The following NOCT variants were observed in gnomAD, a reference collection of about 807,000 sequenced individuals.
NOCT encodes CCR4 carbon catabolite repression 4-like.
Under a neutral mutation model 35.0 loss-of-function variants are expected in NOCT, and 18 were observed. That is an observed-to-expected ratio of 0.51 (90% CI 0.36 to 0.76). The LOEUF (loss-of-function observed/expected upper bound fraction) is 0.76, where lower values mean the gene tolerates loss of function less well. NOCT is among the 30% of genes least tolerant of loss of function. The probability of loss-of-function intolerance (pLI) is 0.01; values close to 1 mark genes in which losing one functional copy is unlikely to be tolerated. For synonymous variants in NOCT, 235 were observed against 226.3 expected (o/e 1.04, Z -0.34); for missense variants, 479 against 541.0 (o/e 0.89, Z 1.14).
chr4:139,042,951 C>A, intron 1 of NOCT, 123 bp from the exon 2 acceptor site: 6 of 762,674 alleles, frequency 7.9e-6, no homozygotes, highest in Non-Finnish European at 1.0e-5. Context: ...TGGCTTTATA[C>A]ACTATTATGG....
At position 139,016,000 on chromosome 4, in the gene NOCT, C is replaced by G; in HGVS notation, c.19C>G (p.Arg7Gly). ...GCCCGGCATGTTTCATAGTCCGCGG[C>G]GGCTCTGCTCGGCCCTGCTGCAGAG... MFHSPR[R>G]LCSALLQRDA... Residue 7 changes from arginine to glycine, a missense_variant, in exon 1 of 3, where the codon CGG becomes GGG. This residue lies in a region of NOCT where 265 missense variants were observed against 257.0 expected (regional missense o/e 1.03). Coordinates refer to ENST00000280614, the MANE Select transcript of NOCT (RefSeq NM_012118.4). The G allele has an allele frequency of 7.2e-7, 1 of 1,385,540 alleles. No homozygotes were observed. Among genetic ancestry groups the G allele is most frequent in the Non-Finnish European group, 9.3e-7 (1 of 1,071,516 alleles). The allele number at this position is 1,385,540 out of a possible 1,614,324, so 85.8% of individuals were successfully genotyped here.
At position 139,029,767 on chromosome 4, in the gene NOCT, A is replaced by G. The variant is rs79941542; in HGVS notation, c.191-13307A>G. ...AATTCATGTCATATAAGCCCACATC[A>G]TGCAAAATTTGAAGGTGGCTGCATT... is the stretch of plus-strand genomic sequence containing the variant. On this transcript the variant is annotated intron_variant, in intron 1 of 2. Coordinates refer to ENST00000280614, the MANE Select transcript of NOCT (RefSeq NM_012118.4). Among the ~76,000 whole-genome samples, 634 of 152,312 alleles carry G rather than the reference A, an allele frequency of 4.2e-3. 6 individuals carry two copies. The highest frequency in any genetic ancestry group is 6.9e-3 in the Non-Finnish European group (472 of 68,026).
Position 139,045,430 on chromosome 4 carries a change from G to C in NOCT, c.1252G>C (p.Val418Leu). The C allele has an allele frequency of 6.2e-7, 1 of 1,609,914 alleles. No homozygotes were observed. Among genetic ancestry groups the C allele is most frequent in the Non-Finnish European group, 8.5e-7 (1 of 1,177,510 alleles). ...TTATCCTTCAGACCACCTGTCTCTA[G>C]TGTGTGACTTCAGCTTTACTGAGGA... Reference protein sequence around the residue: ...FNYPSDHLSLVCDFSFTEESD... With the variant: ...FNYPSDHLSLLCDFSFTEESD... Residue 418 changes from valine (V) to leucine (L), a missense_variant, in exon 3 of 3, where the codon GTG (valine) becomes CTG (leucine). Val to Leu is a conservative substitution (Grantham distance 32). Coordinates refer to ENST00000280614, the MANE Select transcript of NOCT (RefSeq NM_012118.4).
Position 139,043,152 on chromosome 4 carries a change from A to C in NOCT, c.269A>C (p.His90Pro). The change falls in exon 2 of 3, where the codon CAC becomes CCC. Residue 90 changes from histidine (H) to proline (P), a missense_variant. By Grantham distance (77) the His-to-Pro change is moderately conservative. Around this residue, in one of 2 missense-constraint regions of NOCT, gnomAD observed 265 missense variants for 257.0 expected, o/e 1.03. Transcript: ENST00000280614. The part of the protein sequence containing the change: ...KTLNSSAASQ[H>P]PEYLVSPDPE... ...CTGAACAGCAGCGCTGCCTCCCAGC[A>C]CCCAGAGTATTTGGTGTCACCTGAC... 1 of 1,614,080 alleles carries C rather than the reference A, an allele frequency of 6.2e-7. No homozygotes were observed. The highest frequency in any genetic ancestry group is 8.5e-7 in the Non-Finnish European group (1 of 1,179,990).
At chr4:139,016,237 C>A in intron 1 of NOCT, 66 bp downstream of exon 1, 1 of 1,090,844 alleles carries the variant, frequency 9.2e-7, no homozygotes, top group Non-Finnish European at 1.2e-6. Context: ...CACCTGGAGA[C>A]CGCGCGGAAT....
intron 1 of NOCT, among the ~76,000 whole-genome samples, chr4:139,027,492 A>C (rs1468648314): frequency 6.6e-6 from 1 of 151,044 alleles, no homozygotes; most frequent in Non-Finnish European, 1.5e-5. Flanking sequence ...ACAATATGTA[A>C]ACTTTATTTA....
rs947464721 is a variant in NOCT, at chr4:139,045,558, C to G, written c.*84C>G. ...TTGAGACAGAGTCTCGCTCTGTTGCCTAGGCTGGAGTACAGTGGCCTGATC... is the reference window on the plus strand; with the variant it reads ...TTGAGACAGAGTCTCGCTCTGTTGCGTAGGCTGGAGTACAGTGGCCTGATC... On this transcript the variant is annotated 3_prime_UTR_variant, in exon 3 of 3. Coordinates refer to ENST00000280614, the MANE Select transcript of NOCT (RefSeq NM_012118.4). The G allele has an allele frequency of 2.8e-5, 21 of 746,822 alleles. No individual in the cohort carries two copies. Among genetic ancestry groups the G allele is most frequent in the Non-Finnish European group, 4.0e-5 (20 of 502,356 alleles). The allele number at this position is 746,822 out of a possible 1,614,324, so 46.3% of individuals were successfully genotyped here. A position where few individuals can be genotyped will look rare whatever the true frequency, so the allele number is the denominator to read the frequency against.
chr4:139,016,948 C>T (rs1467568876), intron 1 of NOCT, among the ~76,000 whole-genome samples: 5 of 135,646 alleles, frequency 3.7e-5, no homozygotes, highest in Admixed American at 7.5e-5. Flanking sequence ...CCACCGCGCT[C>T]GGCCATTTTA....
At chr4:139,025,827 A>G (rs991301777) in intron 1 of NOCT, among the ~76,000 whole-genome samples, 1 of 151,940 alleles carries the variant, frequency 6.6e-6, no homozygotes, top group African/African-American at 2.4e-5. Flanking sequence ...AAATTTAAAT[A>G]TAGGCACTTT....
At chr4:139,017,794 C>T (rs1164406751) in intron 1 of NOCT, among the ~76,000 whole-genome samples, 1 of 151,816 alleles carries the variant, frequency 6.6e-6, no homozygotes, top group Non-Finnish European at 1.5e-5. Flanking sequence ...AAAACTCCGT[C>T]TCAAAACAAA....
chr4:139,043,316 G>A lies in NOCT; in HGVS notation c.433G>A (p.Val145Ile), dbSNP rs1271420821. Reference sequence around the variant, plus strand: ...CCCTAGTACCCACCCACCTATCAGGGTTATGCAATGGAACATCCTCGCCCA... The same window carrying A: ...CCCTAGTACCCACCCACCTATCAGGATTATGCAATGGAACATCCTCGCCCA... ...DCPSTHPPIRVMQWNILAQAL... is the reference protein window; with the variant it reads ...DCPSTHPPIRIMQWNILAQAL... Residue 145 changes from valine (V) to isoleucine (I), a missense_variant, in exon 2 of 3, where the codon GTT becomes ATT. By Grantham distance (29) the Val-to-Ile change is conservative. Coordinates refer to ENST00000280614, the MANE Select transcript of NOCT (RefSeq NM_012118.4). The A allele has an allele frequency of 4.3e-6, 7 of 1,614,038 alleles. No homozygotes were observed. Among genetic ancestry groups the A allele is most frequent in the Admixed American group, 1.7e-5 (1 of 60,008 alleles).
At position 139,044,527 on chromosome 4, in the gene NOCT, G is replaced by A. The variant is rs1726898052; in HGVS notation, c.461-112G>A. ...CAGTTTGGACAGAGAGCCACTCCAA[G>A]CATTTAAAGCAGAGGAAGCATTCTG... On this transcript the variant is annotated intron_variant, in intron 2 of 2. Transcript: ENST00000280614. 35 of 653,134 alleles carry A rather than the reference G, an allele frequency of 5.4e-5. No homozygotes were observed. The South Asian group carries it at 6.7e-4, about 13-fold the overall frequency. The allele number at this position is 653,134 out of a possible 1,614,324, so 40.5% of individuals were successfully genotyped here. A position where few individuals can be genotyped will look rare whatever the true frequency, so the allele number is the denominator to read the frequency against.
At chr4:139,022,729 G>A (rs1726439215) in intron 1 of NOCT, among the ~76,000 whole-genome samples, 1 of 152,164 alleles carries the variant, frequency 6.6e-6, no homozygotes, top group South Asian at 2.1e-4. Context: ...ATTTATTGTA[G>A]AGACAGGGTC....
At chr4:139,037,911 A>C (rs1726763200) in intron 1 of NOCT, among the ~76,000 whole-genome samples, 1 of 151,886 alleles carries the variant, frequency 6.6e-6, no homozygotes, top group African/African-American at 2.4e-5. Flanking sequence ...GGGGAAAAAA[A>C]AAAAAAAGGC....
Position 139,044,761 on chromosome 4 carries a change from GA to G in NOCT, c.584del (p.Glu195GlyfsTer16). 1 of 1,614,158 alleles carries G rather than the reference GA, an allele frequency of 6.2e-7. No homozygotes were observed. Among genetic ancestry groups the G allele is most frequent in the Non-Finnish European group, 8.5e-7 (1 of 1,179,996 alleles). Reference sequence around the variant, plus strand: ...CCAGCCTGATATATTGTGCCTCCAAGAGGTGGACCACTATTTTGACACCTTC... The same window carrying G: ...CCAGCCTGATATATTGTGCCTCCAAGGGTGGACCACTATTTTGACACCTTC... ...AYQPDILCLQEVDHYFDTFQP... is the reference protein window; with the variant it reads ...AYQPDILCLQXVDHYFDTFQP... On this transcript the variant is annotated frameshift_variant, in exon 3 of 3. Transcript: ENST00000280614. LOFTEE classifies it high-confidence loss of function.
intron 1 of NOCT, among the ~76,000 whole-genome samples, chr4:139,021,833 A>G (rs1726420564): frequency 6.7e-6 from 1 of 150,256 alleles, no homozygotes; most frequent in African/African-American, 2.5e-5. Context: ...ATCTTGGCTC[A>G]CTGCAACCTG....
chr4:139,044,640 T>G lies in NOCT; in HGVS notation c.462T>G (p.Ala154=). 1 of 1,602,574 alleles carries G rather than the reference T, an allele frequency of 6.2e-7. No homozygotes were observed. Residue 154 remains alanine, a splice_region_variant and synonymous_variant, in exon 3 of 3, where the codon GCT becomes GCG. Transcript: ENST00000280614. ...AACTGACTAGCTTTTTCTTTTCAGCTCTTGGAGAAGGCAAAGACAACTTTG... is the reference window on the plus strand; with the variant it reads ...AACTGACTAGCTTTTTCTTTTCAGCGCTTGGAGAAGGCAAAGACAACTTTG... ...RVMQWNILAQ[A]LGEGKDNFVQ... is the part of the protein sequence containing the mutation.
intron 1 of NOCT, among the ~76,000 whole-genome samples, chr4:139,035,617 T>G (rs954157292): frequency 2.0e-5 from 3 of 152,192 alleles, no homozygotes; most frequent in Admixed American, 6.5e-5. Context: ...CTGTCTGCCC[T>G]TATGTCCCTG....
At chr4:139,024,854 C>T (rs1204024082) in intron 1 of NOCT, among the ~76,000 whole-genome samples, 2 of 152,158 alleles carry the variant, frequency 1.3e-5, no homozygotes, top group Non-Finnish European at 2.9e-5. Context: ...TCGGCCCACC[C>T]CGGCATCCCA....
Sources: allele counts gnomAD v4.1 joint callset (sites outside exome capture counted in the v4.1 genomes callset), GRCh38; gene constraint gnomAD v4.1.1; regional missense constraint gnomAD v4.1.1; transcripts MANE v1.5; gene names NCBI Gene and HGNC (gene_info 2026-07-23, HGNC 2026-07-21).